The following S100A8 variants were observed in gnomAD, a reference collection of about 807,000 sequenced individuals.
The protein encoded by S100A8 is S100 calcium binding protein A8, also known as protein S100-A8.
Under a neutral mutation model 4.2 loss-of-function variants are expected in S100A8, and 1 was observed. The ratio of observed to expected loss-of-function variants is 0.24; its 90% CI spans 0.08 to 1.12. The LOEUF (loss-of-function observed/expected upper bound fraction) is 1.12, where lower values mean the gene tolerates loss of function less well. S100A8 is among the 50% of genes most tolerant of loss of function. S100A8 has a pLI of 0.53. For synonymous variants in S100A8, 41 were observed against 44.7 expected, an observed-to-expected ratio of 0.92 and a Z score of 0.33; for missense variants, 96 against 111.8, an observed-to-expected ratio of 0.86 and a Z score of 0.64.
At chr1:153,416,246 C>G in the S100A8 span, among the ~76,000 whole-genome samples, 1 of 152,158 alleles carries the variant, frequency 6.6e-6, no homozygotes, top group Non-Finnish European at 1.5e-5. Context: ...CTCTTTTCTC[C>G]CATTTCCTGA....
At chr1:153,408,646 G>A in the S100A8 span, among the ~76,000 whole-genome samples, 1 of 152,062 alleles carries the variant, frequency 6.6e-6, no homozygotes, top group Non-Finnish European at 1.5e-5. Context: ...GATACTCCTC[G>A]AAAAGAGCAA....
chr1:153,415,722 C>CAG, the S100A8 span, among the ~76,000 whole-genome samples: 1 of 43,354 alleles, frequency 2.3e-5, no homozygotes, highest in Non-Finnish European at 4.5e-5. Flanking sequence ...GCGGGGGGGG[C>CAG]GGGGGTCACT....
the S100A8 span, chr1:153,418,077 G>A: frequency 1.2e-6 from 2 of 1,613,584 alleles, no homozygotes; most frequent in Non-Finnish European, 1.7e-6. Context: ...CTTTTTGAAA[G>A]CAAAGATGAG....
At chr1:153,418,208 T>A in the S100A8 span, 1 of 1,613,856 alleles carries the variant, frequency 6.2e-7, no homozygotes, top group East Asian at 2.2e-5. Context: ...ACTTCCCCAA[T>A]TTCCTCAGTG....
At chr1:153,399,829 G>A in the S100A8 span, among the ~76,000 whole-genome samples, 1 of 152,196 alleles carries the variant, frequency 6.6e-6, no homozygotes, top group East Asian at 1.9e-4. Flanking sequence ...GAGGAAAGGA[G>A]AACCAGGCAC....
At chr1:153,422,506 G>T in the S100A8 span, 321 of 984,834 alleles carry the variant, frequency 3.3e-4, 2 homozygotes, top group African/African-American at 5.2e-3. Context: ...ACAGCTCTAT[G>T]CCCACACTCA....
At chr1:153,394,151 A>G (rs895114688), upstream of S100A8, among the ~76,000 whole-genome samples, 1 of 152,224 alleles carries the variant, frequency 6.6e-6, no homozygotes, top group Admixed American at 6.5e-5. Flanking sequence ...TCATGTTTAC[A>G]GGAAAGGGCT....
At chr1:153,404,890 G>C in the S100A8 span, among the ~76,000 whole-genome samples, 2 of 152,154 alleles carry the variant, frequency 1.3e-5, no homozygotes, top group African/African-American at 2.4e-5. Context: ...TACTGCCTCC[G>C]GCGACAACCA....
the S100A8 span, chr1:153,418,185 A>G: frequency 6.2e-7 from 1 of 1,614,020 alleles, no homozygotes; most frequent in East Asian, 2.2e-5. Context: ...CCTGCTGACG[A>G]TGATGAAGGA....
chr1:153,413,895 G>T, the S100A8 span, among the ~76,000 whole-genome samples: 1 of 151,920 alleles, frequency 6.6e-6, no homozygotes, highest in Non-Finnish European at 1.5e-5. Flanking sequence ...GAGCAAAAGT[G>T]TGTCTCATAA....
chr1:153,394,800 C>A (rs1248478176), upstream of S100A8, among the ~76,000 whole-genome samples: 5 of 152,128 alleles, frequency 3.3e-5, no homozygotes, highest in Non-Finnish European at 7.4e-5. Flanking sequence ...CCATGTTTGG[C>A]GCAAAGGACC....
the S100A8 span, among the ~76,000 whole-genome samples, chr1:153,407,244 C>G: frequency 1.3e-5 from 2 of 152,204 alleles, no homozygotes; most frequent in African/African-American, 4.8e-5. Context: ...CAGACGGCAC[C>G]TGGAAAATCA....
upstream of S100A8, among the ~76,000 whole-genome samples, chr1:153,392,341 G>A (rs550847650): frequency 2.6e-4 from 39 of 152,320 alleles, 1 homozygote; most frequent in African/African-American, 8.4e-4. Flanking sequence ...GAAAACAAGT[G>A]TTGGTGAGGG....
the S100A8 span, chr1:153,418,186 T>C: frequency 3.1e-6 from 5 of 1,613,872 alleles, no homozygotes; most frequent in Non-Finnish European, 4.2e-6. Context: ...CTGCTGACGA[T>C]GATGAAGGAG....
the S100A8 span, among the ~76,000 whole-genome samples, chr1:153,417,050 T>A: frequency 6.6e-6 from 1 of 152,252 alleles, no homozygotes; most frequent in Non-Finnish European, 1.5e-5. Context: ...GGCCTTGGCC[T>A]CAGATTCAGA....
the S100A8 span, chr1:153,419,236 T>C: frequency 6.2e-7 from 1 of 1,614,218 alleles, no homozygotes; most frequent in Non-Finnish European, 8.5e-7. Flanking sequence ...TTTCTGTCCT[T>C]GCTGGGAGAC....
At chr1:153,405,829 G>A in the S100A8 span, among the ~76,000 whole-genome samples, 7 of 152,014 alleles carry the variant, frequency 4.6e-5, no homozygotes, top group Non-Finnish European at 1.0e-4. Context: ...TGGGACCACA[G>A]GCTCTGGGCT....
chr1:153,390,647 G>A (rs961106589), intron 1 of S100A8, 90 bp from the exon 2 acceptor site: 25 of 1,505,318 alleles, frequency 1.7e-5, no homozygotes, highest in Non-Finnish European at 2.2e-5. Context: ...CCAAGCGATG[G>A]CCTTGTCCTG....
At chr1:153,408,254 A>G in the S100A8 span, among the ~76,000 whole-genome samples, 2 of 152,236 alleles carry the variant, frequency 1.3e-5, no homozygotes, top group Non-Finnish European at 2.9e-5. Context: ...ATGGCTAACT[A>G]GAATAGACAG....
Sources: allele counts gnomAD v4.1 joint callset (sites outside exome capture counted in the v4.1 genomes callset), GRCh38; gene constraint gnomAD v4.1.1; transcripts MANE v1.5; gene names NCBI Gene and HGNC (gene_info 2026-07-23, HGNC 2026-07-21).